The following DGKB variants were observed in gnomAD, a reference collection of about 807,000 sequenced individuals.
The protein encoded by DGKB is diacylglycerol kinase beta.
In DGKB, 67 loss-of-function variants were observed where a neutral mutation model predicts 114.3. That is an observed-to-expected ratio of 0.59 (90% CI 0.48 to 0.72). DGKB has a LOEUF of 0.72. Ranked by LOEUF, DGKB falls within the 30% of genes least tolerant of loss-of-function variation. The pLI, the probability that DGKB is intolerant of heterozygous loss-of-function variation, is 0.00. For synonymous variants in DGKB, 398 were observed against 323.1 expected (o/e 1.23, Z -2.49); for missense variants, 907 against 975.2 (o/e 0.93, Z 0.93).
chr7:14,820,458 T>G (rs1844771277), intron 2 of DGKB, among the ~76,000 whole-genome samples: 2 of 152,178 alleles, frequency 1.3e-5, no homozygotes, highest in Non-Finnish European at 2.9e-5. Flanking sequence ...CAGTGCCTCT[T>G]ATTACAGTGC....
At chr7:14,827,642 A>C (rs1159138070) in intron 2 of DGKB, among the ~76,000 whole-genome samples, 1 of 152,064 alleles carries the variant, frequency 6.6e-6, no homozygotes, top group Non-Finnish European at 1.5e-5. Flanking sequence ...TTACAGAATA[A>C]CTTATCCCTT....
At chr7:14,703,246 T>C (rs1825532254) in intron 6 of DGKB, among the ~76,000 whole-genome samples, 1 of 152,188 alleles carries the variant, frequency 6.6e-6, no homozygotes, top group Non-Finnish European at 1.5e-5. Context: ...TATTTCAGAT[T>C]GAGGGACATT....
At chr7:14,423,528 A>T (rs1023973367) in intron 21 of DGKB, among the ~76,000 whole-genome samples, 1 of 152,122 alleles carries the variant, frequency 6.6e-6, no homozygotes, top group Non-Finnish European at 1.5e-5. Context: ...AAGTGCACGT[A>T]CATTTTTATT....
intron 1 of DGKB, among the ~76,000 whole-genome samples, chr7:14,890,628 T>G (rs573726739): frequency 7.9e-4 from 119 of 151,472 alleles, no homozygotes; most frequent in Non-Finnish European, 1.5e-3. Context: ...TTCTTTCTGT[T>G]ACTGTGGGCA....
chr7:14,567,522 T>A (rs1331688843), intron 20 of DGKB, among the ~76,000 whole-genome samples: 1 of 87,346 alleles, frequency 1.1e-5, no homozygotes, highest in African/African-American at 4.2e-5. Context: ...TATATTTATA[T>A]ATTATAATTA....
At chr7:14,673,766 T>A (rs1819395201) in intron 12 of DGKB, among the ~76,000 whole-genome samples, 1 of 152,068 alleles carries the variant, frequency 6.6e-6, no homozygotes, top group Non-Finnish European at 1.5e-5. Context: ...AGATGGTAGT[T>A]TTTTAAAGAA....
chr7:14,547,468 G>C (rs934349565), intron 20 of DGKB, among the ~76,000 whole-genome samples: 6 of 152,048 alleles, frequency 3.9e-5, no homozygotes, highest in Admixed American at 1.3e-4. Context: ...CTTTCATATG[G>C]AGAAAATAAT....
chr7:14,660,637 T>C (rs200674650), intron 13 of DGKB, among the ~76,000 whole-genome samples: 1 of 151,798 alleles, frequency 6.6e-6, no homozygotes, highest in Admixed American at 6.6e-5. Flanking sequence ...TGCTAGCGGT[T>C]TATCAATTTT....
In DGKB at chr7:14,149,103, C is replaced by A. The variant is rs1781794362; in HGVS notation, c.*28G>T. 6.3e-7 allele frequency: 1 copy of A among 1,585,702 alleles called. No individual in the cohort carries two copies. Among genetic ancestry groups the A allele is most frequent in the Non-Finnish European group, 8.7e-7 (1 of 1,154,418 alleles). On this transcript the variant is annotated 3_prime_UTR_variant, in exon 26 of 26. Transcript: ENST00000402815. The stretch of plus-strand genomic sequence containing the variant: ...GTTCCATGGCCCAATTATGCTAATT[C>A]AATTTCTAAGAGTGAAACAACACAG...
At chr7:14,372,864 C>T (rs1287570603) in intron 21 of DGKB, among the ~76,000 whole-genome samples, 3 of 152,108 alleles carry the variant, frequency 2.0e-5, no homozygotes, top group Non-Finnish European at 4.4e-5. Context: ...TTTAGTCCTA[C>T]TAATTATCCA....
intron 2 of DGKB, among the ~76,000 whole-genome samples, chr7:14,780,498 G>T (rs1037581207): frequency 1.3e-5 from 2 of 152,168 alleles, no homozygotes; most frequent in Non-Finnish European, 2.9e-5. Context: ...TGTGATGCTA[G>T]GTTAATTCTA....
intron 4 of DGKB, among the ~76,000 whole-genome samples, chr7:14,740,645 A>G (rs763806497): frequency 6.6e-6 from 1 of 152,154 alleles, no homozygotes; most frequent in East Asian, 1.9e-4. Context: ...GATGAGCATG[A>G]CTAATTCCTG....
chr7:14,368,311 A>G (rs1031778735), intron 21 of DGKB, among the ~76,000 whole-genome samples: 2 of 152,170 alleles, frequency 1.3e-5, no homozygotes, highest in African/African-American at 4.8e-5. Flanking sequence ...AATGACAGGT[A>G]TTCACCTTTA....
Position 14,338,541 on chromosome 7 carries a change from G to A in DGKB, c.2096C>T (p.Ala699Val), listed in dbSNP as rs1182269314. The change falls in exon 23 of 26, where the codon GCC (alanine) becomes GTC (valine). Residue 699 changes from alanine (A) to valine (V), a missense_variant. Coordinates refer to ENST00000402815, the MANE Select transcript of DGKB (RefSeq NM_001350709.2). ...GSDKRTTVTD[A>V]KELKFASQDL... Reference sequence around the variant, plus strand: ...TTGACTTGCAAACTTCAACTCTTTGGCATCTGTGACGGTGGTCCTTTTGTC... The same window carrying A: ...TTGACTTGCAAACTTCAACTCTTTGACATCTGTGACGGTGGTCCTTTTGTC... 6.3e-7 allele frequency: 1 copy of A among 1,577,596 alleles called. No individual in the cohort carries two copies. The highest frequency in any genetic ancestry group is 1.8e-5 in the Admixed American group (1 of 54,074).
intron 22 of DGKB, among the ~76,000 whole-genome samples, chr7:14,344,848 T>C (rs1812212486): frequency 6.6e-6 from 1 of 151,594 alleles, no homozygotes; most frequent in Non-Finnish European, 1.5e-5. Context: ...GAAAACCTAG[T>C]TAATGAATGG....
intron 23 of DGKB, among the ~76,000 whole-genome samples, chr7:14,232,523 T>C (rs1204420055): frequency 6.6e-6 from 1 of 151,810 alleles, no homozygotes; most frequent in Non-Finnish European, 1.5e-5. Flanking sequence ...CATGGCACTA[T>C]ATCCAGACCC....
chr7:14,177,967 A>G (rs1782033931), intron 24 of DGKB, 64 bp downstream of exon 24: 1 of 1,454,954 alleles, frequency 6.9e-7, no homozygotes, highest in Non-Finnish European at 9.1e-7. Flanking sequence ...AGTTCTGCAT[A>G]CTTTTAATTA....
intron 2 of DGKB, among the ~76,000 whole-genome samples, chr7:14,759,027 C>G (rs531510100): frequency 6.6e-6 from 1 of 152,100 alleles, no homozygotes; most frequent in Non-Finnish European, 1.5e-5. Context: ...TGGGTTCAAC[C>G]GGTTCTCCTG....
At chr7:14,337,155 A>C (rs529660107) in intron 23 of DGKB, among the ~76,000 whole-genome samples, 1 of 152,212 alleles carries the variant, frequency 6.6e-6, no homozygotes, top group Admixed American at 6.5e-5. Context: ...GAAATCTACT[A>C]ATTTTACATT....
Sources: gnomAD v4.1 joint callset for allele counts (sites outside exome capture counted in the v4.1 genomes callset) on GRCh38, gnomAD v4.1.1 for gene constraint, MANE v1.5 for transcripts, NCBI Gene and HGNC (gene_info 2026-07-23, HGNC 2026-07-21) for gene names.